Variants in CACNB4 observed in about 807,000 individuals in gnomAD.
The protein encoded by CACNB4 is voltage-dependent L-type calcium channel subunit beta-4.
CACNB4 carries 32 observed loss-of-function variants against 71.2 expected under a neutral mutation model. The ratio of observed to expected loss-of-function variants is 0.45; its 90% CI spans 0.34 to 0.60. The LOEUF (loss-of-function observed/expected upper bound fraction) is 0.60, where lower values mean the gene tolerates loss of function less well. Among genes scored for constraint, CACNB4 ranks in the 20% least tolerant of loss-of-function variants. The pLI, the probability that CACNB4 is intolerant of heterozygous loss-of-function variation, is 0.01. For missense variants in CACNB4, 464 were observed against 647.9 expected, an observed-to-expected ratio of 0.72 and a Z score of 3.08; for synonymous variants, 231 against 236.9, an observed-to-expected ratio of 0.97 and a Z score of 0.23.
chr2:152,083,894 C>A (rs1024076830), intron 2 of CACNB4, among the ~76,000 whole-genome samples: 2 of 152,240 alleles, frequency 1.3e-5, no homozygotes, highest in African/African-American at 4.8e-5. Context: ...CTACTCAGGC[C>A]TGCACTAACT....
At chr2:152,097,706 G>C (rs1688348435) in intron 2 of CACNB4, among the ~76,000 whole-genome samples, 1 of 152,130 alleles carries the variant, frequency 6.6e-6, no homozygotes, top group African/African-American at 2.4e-5. Flanking sequence ...CAAACACGAA[G>C]TGAAGGCGCA....
chr2:151,907,341 G>A (rs534597383), intron 2 of CACNB4, among the ~76,000 whole-genome samples: 1 of 152,142 alleles, frequency 6.6e-6, no homozygotes, highest in Non-Finnish European at 1.5e-5. Context: ...AAGAAATAGA[G>A]GTGAATAACC....
chr2:151,883,558 A>G, intron 2 of CACNB4, 188 bp from the exon 3 acceptor site: 1 of 608,258 alleles, frequency 1.6e-6, no homozygotes, highest in Non-Finnish European at 2.9e-6. Flanking sequence ...GAAAGTAGCA[A>G]TGTTGTGAAG....
At chr2:151,976,483 A>G (rs953171381) in intron 2 of CACNB4, among the ~76,000 whole-genome samples, 6 of 152,142 alleles carry the variant, frequency 3.9e-5, no homozygotes, top group Non-Finnish European at 8.8e-5. Context: ...CACGCCTTCC[A>G]TTCTAAAAAA....
intron 2 of CACNB4, among the ~76,000 whole-genome samples, chr2:152,063,900 C>G (rs558101833): frequency 5.9e-5 from 9 of 152,284 alleles, no homozygotes; most frequent in Admixed American, 2.0e-4. Flanking sequence ...ACAAAATCCC[C>G]CAACTTTCAA....
At chr2:152,064,430 G>T (rs1263965812) in intron 2 of CACNB4, among the ~76,000 whole-genome samples, 2 of 152,142 alleles carry the variant, frequency 1.3e-5, no homozygotes, top group African/African-American at 4.8e-5. Flanking sequence ...ACACAGGCTG[G>T]AGTGCAGTGT....
intron 2 of CACNB4, among the ~76,000 whole-genome samples, chr2:151,959,738 A>AT (rs35059125): frequency 3.3e-5 from 5 of 152,084 alleles, no homozygotes; most frequent in African/African-American, 9.7e-5. Flanking sequence ...GGGAGGAACA[A>AT]TTTTTTAGCT....
chr2:151,869,767 T>C, intron 8 of CACNB4: 1 of 173,254 alleles, frequency 5.8e-6, no homozygotes, highest in Non-Finnish European at 1.2e-5. Context: ...GAGAGGGGGA[T>C]AGAGCCAGGA....
At chr2:151,978,140 C>T (rs954842066) in intron 2 of CACNB4, among the ~76,000 whole-genome samples, 41 of 151,426 alleles carry the variant, frequency 2.7e-4, no homozygotes, top group African/African-American at 9.0e-4. Flanking sequence ...AAACTACAGA[C>T]AACAGATTCC....
chr2:152,085,086 A>C (rs1560189618), intron 2 of CACNB4, among the ~76,000 whole-genome samples: 1 of 152,174 alleles, frequency 6.6e-6, no homozygotes, highest in Non-Finnish European at 1.5e-5. Context: ...GGATTTTGAC[A>C]AGTGGGAAGA....
At position 152,012,848 on chromosome 2, in the gene CACNB4, T is replaced by C. The variant is rs576759251; in HGVS notation, c.147+85482A>G. Among the ~76,000 whole-genome samples, 55 of 152,296 alleles carry C rather than the reference T, an allele frequency of 3.6e-4. 1 individual carries two copies. In the South Asian group the frequency reaches 0.011, roughly 30 times the overall value. On this transcript the variant is annotated intron_variant, in intron 2 of 13. Transcript: ENST00000539935. The stretch of plus-strand genomic sequence containing the variant: ...AGCCTAATTGTACAGGGATAAAGTC[T>C]ACAGTAGTGGACAGTAATGTCCCTG...
intron 2 of CACNB4, among the ~76,000 whole-genome samples, chr2:152,048,362 C>A (rs2105279306): frequency 6.6e-6 from 1 of 152,304 alleles, no homozygotes; most frequent in Non-Finnish European, 1.5e-5. Context: ...TCACCCATCC[C>A]CACCTGCGCT....
chr2:151,841,828 T>G (rs2099836307), intron 13 of CACNB4, 75 bp downstream of exon 13: 2 of 1,249,274 alleles, frequency 1.6e-6, no homozygotes, highest in East Asian at 4.6e-5. Flanking sequence ...ATGACTCCAG[T>G]CTCCATCCTA....
intron 2 of CACNB4, among the ~76,000 whole-genome samples, chr2:151,985,474 T>C (rs1226943258): frequency 6.6e-6 from 1 of 152,192 alleles, no homozygotes; most frequent in Non-Finnish European, 1.5e-5. Flanking sequence ...TCAAAGTATA[T>C]GAATGCTTTT....
At chr2:151,982,435 C>A (rs2099874892) in intron 2 of CACNB4, among the ~76,000 whole-genome samples, 1 of 151,996 alleles carries the variant, frequency 6.6e-6, no homozygotes, top group Non-Finnish European at 1.5e-5. Flanking sequence ...AGATTTAGAC[C>A]ATCCTGGCTA....
intron 2 of CACNB4, among the ~76,000 whole-genome samples, chr2:152,035,225 T>C (rs1684491255): frequency 6.6e-6 from 1 of 152,216 alleles, no homozygotes; most frequent in South Asian, 2.1e-4. Flanking sequence ...TGTATATTTA[T>C]TCACTGTCTT....
intron 2 of CACNB4, among the ~76,000 whole-genome samples, chr2:152,036,389 T>G (rs896184415): frequency 6.6e-6 from 1 of 152,200 alleles, no homozygotes; most frequent in South Asian, 2.1e-4. Context: ...AACCTCTGCT[T>G]TCCAGGTTCA....
chr2:151,842,320 CTTTT>C (rs35662354), intron 12 of CACNB4, among the ~76,000 whole-genome samples: 35 of 67,724 alleles, frequency 5.2e-4, no homozygotes, highest in African/African-American at 2.4e-3. Context: ...ATATTTGGAT[CTTTT>C]TTTTTTTTTT....
intron 2 of CACNB4, among the ~76,000 whole-genome samples, chr2:151,944,525 C>T (rs1216156536): frequency 6.6e-6 from 1 of 152,154 alleles, no homozygotes; most frequent in Non-Finnish European, 1.5e-5. Context: ...GGTGTGGTGG[C>T]TTACACCTAT....
Sources: allele counts gnomAD v4.1 joint callset (sites outside exome capture counted in the v4.1 genomes callset), GRCh38; gene constraint gnomAD v4.1.1; transcripts MANE v1.5; gene names NCBI Gene and HGNC (gene_info 2026-07-23, HGNC 2026-07-21).